The following CSMD1 variants were observed in gnomAD, a reference collection of about 807,000 sequenced individuals.
CSMD1 encodes the protein CUB and Sushi multiple domains 1.
Under a neutral mutation model 417.5 loss-of-function variants are expected in CSMD1, and 213 were observed. The ratio of observed to expected loss-of-function variants is 0.51; its 90% CI spans 0.46 to 0.57. CSMD1 has a LOEUF of 0.57. CSMD1 is among the 20% of genes least tolerant of loss of function. The pLI is 0.00. For missense variants in CSMD1, 6,923 were observed against 4,529.7 expected (o/e 1.53, Z -15.17); for synonymous variants, 2,862 against 1,736.8 (o/e 1.65, Z -16.11).
At chr8:4,556,733 G>C (rs1022722318) in intron 2 of CSMD1, among the ~76,000 whole-genome samples, 1 of 152,120 alleles carries the variant, frequency 6.6e-6, no homozygotes, top group African/African-American at 2.4e-5. Flanking sequence ...TTCACAAGAT[G>C]AGCATCGCAA....
chr8:4,403,192 G>T lies in CSMD1; in HGVS notation c.415+16761C>A, dbSNP rs1804768132. 2.0e-5 allele frequency among the ~76,000 whole-genome samples: 3 copies of T among 152,118 alleles called. No individual in the cohort carries two copies. In the South Asian group the frequency reaches 6.2e-4, roughly 32 times the overall value. ...TAAGACATTAGTCTGATTACTGAAA[G>T]ATATTACTCAACCAATTTTCTTTTC... On this transcript the variant is annotated intron_variant, in intron 3 of 69. Coordinates refer to ENST00000635120, the MANE Select transcript of CSMD1 (RefSeq NM_033225.6).
chr8:4,715,894 G>C (rs899086967), intron 1 of CSMD1, among the ~76,000 whole-genome samples: 1 of 152,134 alleles, frequency 6.6e-6, no homozygotes, highest in Admixed American at 6.5e-5. Flanking sequence ...CTCTGTCCTG[G>C]TTCCTCTAGA....
At chr8:3,676,612 T>C (rs571007170) in intron 7 of CSMD1, among the ~76,000 whole-genome samples, 1 of 152,298 alleles carries the variant, frequency 6.6e-6, no homozygotes, top group South Asian at 2.1e-4. Flanking sequence ...CTAAGAAGGT[T>C]GCCGTGAGCT....
intron 6 of CSMD1, among the ~76,000 whole-genome samples, chr8:3,734,813 C>G (rs916452168): frequency 9.9e-5 from 15 of 152,186 alleles, no homozygotes; most frequent in Admixed American, 9.2e-4. Context: ...GGCCCCGTGA[C>G]GGGGATACCT....
intron 2 of CSMD1, among the ~76,000 whole-genome samples, chr8:4,438,886 C>T (rs1798301872): frequency 6.6e-6 from 1 of 152,146 alleles, no homozygotes; most frequent in South Asian, 2.1e-4. Flanking sequence ...CATTAGATTA[C>T]CAAAGACCAA....
chr8:4,416,145 C>G (rs989895648), intron 3 of CSMD1, among the ~76,000 whole-genome samples: 2 of 152,108 alleles, frequency 1.3e-5, no homozygotes, highest in Non-Finnish European at 2.9e-5. Flanking sequence ...GAGAAAAGTT[C>G]TATACAAAGC....
Position 4,586,909 on chromosome 8 carries a change from T to C in CSMD1, c.302+50433A>G, listed in dbSNP as rs186567597. Among the ~76,000 whole-genome samples the C allele has an allele frequency of 2.0e-5, 3 of 152,322 alleles. No individual in the cohort carries two copies. The East Asian group carries it at 5.8e-4, about 29-fold the overall frequency. On this transcript the variant is annotated intron_variant, in intron 2 of 69. Transcript: ENST00000635120. ...TTTGATAAGAGTGCTTAACTTTGTT[T>C]GATGAATAAATAAATGAGAACTTGC... is the stretch of plus-strand genomic sequence containing the variant.
intron 7 of CSMD1, among the ~76,000 whole-genome samples, chr8:3,651,056 T>C (rs1439282475): frequency 6.6e-6 from 1 of 152,130 alleles, no homozygotes; most frequent in African/African-American, 2.4e-5. Flanking sequence ...CACCAGAATA[T>C]CCCATGAGCT....
chr8:4,180,953 CGG>C (rs1047839394), intron 3 of CSMD1, among the ~76,000 whole-genome samples: 2 of 151,996 alleles, frequency 1.3e-5, no homozygotes, highest in African/African-American at 4.8e-5. Context: ...TTAATTAAGC[CGG>C]GGATGATGCT....
At chr8:3,332,998 C>T (rs1439813903) in intron 23 of CSMD1, among the ~76,000 whole-genome samples, 1 of 152,188 alleles carries the variant, frequency 6.6e-6, no homozygotes, top group South Asian at 2.1e-4. Context: ...GAGGGTCTGG[C>T]CTCCATGAGG....
At chr8:4,566,652 C>CAAAAAA (rs35448667) in intron 2 of CSMD1, among the ~76,000 whole-genome samples, 3 of 62,842 alleles carry the variant, frequency 4.8e-5, no homozygotes, top group Admixed American at 2.8e-4. Context: ...GACTCTGACT[C>CAAAAAA]AAAAAAAAAA....
chr8:4,928,426 G>C (rs150383817), intron 1 of CSMD1, among the ~76,000 whole-genome samples: 2 of 152,074 alleles, frequency 1.3e-5, no homozygotes, highest in East Asian at 1.9e-4. Context: ...CTGATACATC[G>C]ATAACTACTA....
intron 3 of CSMD1, among the ~76,000 whole-genome samples, chr8:4,259,549 TTG>T (rs546359941): frequency 8.2e-4 from 124 of 152,050 alleles, no homozygotes; most frequent in Middle Eastern, 6.8e-3. Flanking sequence ...CTTTTTTTTT[TTG>T]ATTTACAAAG....
chr8:3,218,175 C>T, intron 29 of CSMD1, among the ~76,000 whole-genome samples: 1 of 152,276 alleles, frequency 6.6e-6, no homozygotes, highest in East Asian at 1.9e-4. Flanking sequence ...AAGAAAAGAG[C>T]TCTGAGCAGC....
At chr8:3,674,719 C>T (rs1014196680) in intron 7 of CSMD1, among the ~76,000 whole-genome samples, 1 of 152,142 alleles carries the variant, frequency 6.6e-6, no homozygotes, top group Non-Finnish European at 1.5e-5. Context: ...CCCAGTCTTG[C>T]TGATTCCAAG....
intron 50 of CSMD1, among the ~76,000 whole-genome samples, chr8:3,050,011 G>C (rs1311097380): frequency 6.6e-6 from 1 of 151,760 alleles, no homozygotes; most frequent in Non-Finnish European, 1.5e-5. Flanking sequence ...TTGTCATTTA[G>C]CAAGTCTTTC....
rs554069319 is a variant in CSMD1 at position 3,987,034 on chromosome 8, C to T, written c.818+10869G>A. Among the ~76,000 whole-genome samples the T allele has an allele frequency of 1.5e-4, 23 of 152,254 alleles. No homozygotes were observed. The South Asian group carries it at 4.4e-3, about 29-fold the overall frequency. On this transcript the variant is annotated intron_variant, in intron 5 of 69. Coordinates refer to ENST00000635120, the MANE Select transcript of CSMD1 (RefSeq NM_033225.6). The stretch of plus-strand genomic sequence containing the variant: ...CCTCCCAAAGTGCTGGGATTACAGA[C>T]GTGAATCACCGCATCCATCCAAAAT...
chr8:3,257,138 A>G (rs1336067811), intron 26 of CSMD1, among the ~76,000 whole-genome samples: 2 of 152,184 alleles, frequency 1.3e-5, no homozygotes, highest in Non-Finnish European at 2.9e-5. Flanking sequence ...CCTGGCCAAC[A>G]TGGTGAAACC....
chr8:4,115,863 A>T (rs926873455), intron 3 of CSMD1, among the ~76,000 whole-genome samples: 1 of 152,158 alleles, frequency 6.6e-6, no homozygotes, highest in African/African-American at 2.4e-5. Flanking sequence ...ATCCCCAATC[A>T]TATGACATTC....
Sources: allele counts gnomAD v4.1 joint callset (sites outside exome capture counted in the v4.1 genomes callset), GRCh38; gene constraint gnomAD v4.1.1; transcripts MANE v1.5; gene names NCBI Gene and HGNC (gene_info 2026-07-23, HGNC 2026-07-21).